The following PATJ variants were observed in gnomAD, a reference collection of about 807,000 sequenced individuals.
The protein encoded by PATJ is inaD-like protein.
PATJ carries 190 observed loss-of-function variants against 224.9 expected under a neutral mutation model. The observed-to-expected ratio is 0.84, with a 90% CI of 0.75 to 0.95. The LOEUF is 0.95. Among genes scored for constraint, PATJ ranks in the 40% least tolerant of loss-of-function variants. PATJ has a pLI of 0.00. For missense variants in PATJ, 2,121 were observed against 2,270.3 expected (o/e 0.93, Z 1.34); for synonymous variants, 769 against 820.3 (o/e 0.94, Z 1.07).
chr1:61,765,453 G>A (rs1646219399), intron 3 of PATJ, among the ~76,000 whole-genome samples: 1 of 151,190 alleles, frequency 6.6e-6, no homozygotes, highest in Admixed American at 6.6e-5. Context: ...GTGCAATCTC[G>A]GCTCACTGTA....
chr1:61,902,163 G>T (rs563545691), intron 24 of PATJ, among the ~76,000 whole-genome samples: 3 of 151,568 alleles, frequency 2.0e-5, no homozygotes, highest in Non-Finnish European at 4.4e-5. Context: ...GGGGGTCTCA[G>T]TGAGCCAAGA....
intron 28 of PATJ, among the ~76,000 whole-genome samples, chr1:62,014,581 T>G (rs1407632917): frequency 2.0e-5 from 3 of 147,682 alleles, no homozygotes; most frequent in African/African-American, 5.0e-5. Flanking sequence ...TTTTTTTTTT[T>G]TTTGACACAG....
At chr1:62,012,277 T>A (rs1646500123) in intron 28 of PATJ, among the ~76,000 whole-genome samples, 1 of 152,210 alleles carries the variant, frequency 6.6e-6, no homozygotes, top group Non-Finnish European at 1.5e-5. Flanking sequence ...GATTATAGAC[T>A]TTTAAACTAA....
chr1:62,021,912 A>T (rs1647106039), intron 29 of PATJ, among the ~76,000 whole-genome samples: 1 of 152,142 alleles, frequency 6.6e-6, no homozygotes, highest in Non-Finnish European at 1.5e-5. Context: ...TACTTTGAGG[A>T]CTAGTTTTTA....
intron 16 of PATJ, among the ~76,000 whole-genome samples, chr1:61,832,925 C>T (rs957707267): frequency 2.5e-4 from 38 of 152,118 alleles, no homozygotes; most frequent in African/African-American, 8.2e-4. Flanking sequence ...TTCCACATAG[C>T]AATGACTCTT....
chr1:61,960,620 G>T (rs1469279929), intron 27 of PATJ, among the ~76,000 whole-genome samples: 3 of 150,756 alleles, frequency 2.0e-5, no homozygotes, highest in Non-Finnish European at 2.9e-5. Context: ...CCGAGATCAT[G>T]CCATTGTACT....
intron 26 of PATJ, among the ~76,000 whole-genome samples, chr1:61,917,713 C>T (rs1223525921): frequency 1.3e-5 from 2 of 151,926 alleles, no homozygotes; most frequent in African/African-American, 2.4e-5. Flanking sequence ...CTAAAATGAT[C>T]GGTAGGAGCA....
chr1:61,897,515 T>C (rs1670549402), intron 22 of PATJ, among the ~76,000 whole-genome samples: 1 of 152,188 alleles, frequency 6.6e-6, no homozygotes, highest in Non-Finnish European at 1.5e-5. Context: ...GCCTTACTCC[T>C]CGTTGTTTCT....
At chr1:61,950,901 C>A (rs1258524897) in intron 27 of PATJ, among the ~76,000 whole-genome samples, 1 of 152,160 alleles carries the variant, frequency 6.6e-6, no homozygotes, top group Non-Finnish European at 1.5e-5. Context: ...AAACCTAGCA[C>A]TTTGGGAGGC....
intron 31 of PATJ, chr1:62,072,944 AT>A: frequency 1.4e-6 from 1 of 690,422 alleles, no homozygotes; most frequent in South Asian, 6.5e-5. Flanking sequence ...GCCCAATTAA[AT>A]GTACTAACTG....
At position 62,162,852 on chromosome 1, in the gene PATJ, C is replaced by A; in HGVS notation, c.*1798C>A. On this transcript the variant is annotated 3_prime_UTR_variant, in exon 44 of 44. Coordinates refer to ENST00000642238, the MANE Select transcript of PATJ (RefSeq NM_001350145.3). Reference sequence around the variant, plus strand: ...ATCCCAGCTACTCCGGAGGTTGAAGCAGGAAAATTGCTTGAACCTGGGAGG... The same window carrying A: ...ATCCCAGCTACTCCGGAGGTTGAAGAAGGAAAATTGCTTGAACCTGGGAGG... The A allele has an allele frequency of 3.6e-6, 1 of 280,506 alleles. No homozygotes were observed. The highest frequency in any genetic ancestry group is 7.1e-6 in the Non-Finnish European group (1 of 141,264). 17.4% of individuals were successfully genotyped at this position (280,506 alleles called of 1,614,324 possible).
chr1:62,059,228 A>G (rs552090964), intron 31 of PATJ, among the ~76,000 whole-genome samples: 1,748 of 152,282 alleles, frequency 0.011, 13 homozygotes, highest in Middle Eastern at 0.044. Context: ...GGACCAGGAA[A>G]AAAGGACTTT....
At chr1:61,753,902 AT>A (rs1645473689) in intron 1 of PATJ, among the ~76,000 whole-genome samples, 1 of 151,160 alleles carries the variant, frequency 6.6e-6, no homozygotes. Flanking sequence ...ATATAATTTA[AT>A]TTAAAATTAA....
intron 22 of PATJ, among the ~76,000 whole-genome samples, chr1:61,892,339 A>C (rs1166944596): frequency 6.6e-6 from 1 of 152,138 alleles, no homozygotes; most frequent in Non-Finnish European, 1.5e-5. Context: ...AGTATGTAGA[A>C]ATTTTATGTG....
chr1:62,063,893 A>G (rs1162645122), intron 31 of PATJ, among the ~76,000 whole-genome samples: 2 of 152,192 alleles, frequency 1.3e-5, no homozygotes, highest in Non-Finnish European at 2.9e-5. Flanking sequence ...CAGGTCTGGT[A>G]GTCTTTTGGC....
At chr1:62,100,498 G>A in intron 33 of PATJ, 1 of 663,248 alleles carries the variant, frequency 1.5e-6, no homozygotes, top group South Asian at 1.7e-5. Context: ...ATCCTTGAGG[G>A]CAGAGCCCTC....
At chr1:61,853,465 A>T (rs1663156509) in intron 17 of PATJ, among the ~76,000 whole-genome samples, 1 of 152,204 alleles carries the variant, frequency 6.6e-6, no homozygotes, top group Non-Finnish European at 1.5e-5. Flanking sequence ...TGTAGAAATT[A>T]TTAATATGAA....
chr1:61,990,107 T>C (rs1644977812), intron 27 of PATJ, 61 bp from the exon 28 acceptor site: 2 of 1,207,914 alleles, frequency 1.7e-6, no homozygotes, highest in Non-Finnish European at 2.3e-6. Flanking sequence ...GGGGAAATGC[T>C]GACATCTCAA....
intron 11 of PATJ, among the ~76,000 whole-genome samples, chr1:61,799,832 T>G (rs1652099975): frequency 6.6e-6 from 1 of 152,226 alleles, no homozygotes; most frequent in East Asian, 1.9e-4. Flanking sequence ...GTCATTTCAC[T>G]TAGAATAATG....
Sources: gnomAD v4.1 joint callset for allele counts (sites outside exome capture counted in the v4.1 genomes callset) on GRCh38, gnomAD v4.1.1 for gene constraint, MANE v1.5 for transcripts, NCBI Gene and HGNC (gene_info 2026-07-23, HGNC 2026-07-21) for gene names.